GPR63: variants seen among roughly 807,000 people sequenced by gnomAD.
GPR63 encodes the protein probable G protein-coupled receptor 63.
In GPR63, 12 loss-of-function variants were observed where a neutral mutation model predicts 23.1. The ratio of observed to expected loss-of-function variants is 0.52; its 90% confidence interval spans 0.33 to 0.84. GPR63 has a LOEUF of 0.84. Ranked by LOEUF, GPR63 falls within the 40% of genes least tolerant of loss-of-function variation. The probability of loss-of-function intolerance (pLI) is 0.02; values close to 1 mark genes in which losing one functional copy is unlikely to be tolerated. For synonymous variants in GPR63, 172 were observed against 191.1 expected, an observed-to-expected ratio of 0.90 and a Z score of 0.82; for missense variants, 472 against 515.6, an observed-to-expected ratio of 0.92 and a Z score of 0.82.
At position 96,799,240 on chromosome 6, in the gene GPR63, A is replaced by C. The variant is rs1232165390; in HGVS notation, c.492T>G (p.Phe164Leu). Residue 164 changes from phenylalanine to leucine, a missense_variant, in exon 2 of 2, where the codon TTT becomes TTG. Phe to Leu is a conservative substitution (Grantham distance 22, BLOSUM62 0). Coordinates refer to ENST00000229955, the MANE Select transcript of GPR63 (RefSeq NM_030784.4). ...GCAGGATGGCTACTCCTTCTATCAC[A>C]AATAACCAGAAAAACATAGCAGATA... ...CRVSAMFFWL[F>L]VIEGVAILLI... 6.2e-7 allele frequency: 1 copy of C among 1,614,070 alleles called. No individual in the cohort carries two copies. Among genetic ancestry groups the C allele is most frequent in the Non-Finnish European group, 8.5e-7 (1 of 1,180,046 alleles).
rs370548140 is a variant in GPR63 at position 96,802,706 on chromosome 6, AT to A, written c.-150-2826del. Among the ~76,000 whole-genome samples, 1,154 of 144,722 alleles carry A rather than the reference AT, an allele frequency of 8.0e-3. 16 individuals carry two copies. The highest frequency in any genetic ancestry group is 0.027 in the East Asian group (132 of 4,950). 94.9% of individuals were successfully genotyped at this position (144,722 alleles called of 152,430 possible). The stretch of plus-strand genomic sequence containing the variant: ...AAGCACCTGCCACCATGCCCAGCTA[AT>A]TTTTTTTTTTTTTGTATTTTTAGTA... On this transcript the variant is annotated intron_variant, in intron 1 of 1. Transcript: ENST00000229955.
intron 1 of GPR63, among the ~76,000 whole-genome samples, chr6:96,801,779 A>G (rs374200593): frequency 1.3e-5 from 2 of 152,154 alleles, no homozygotes; most frequent in East Asian, 3.8e-4. Flanking sequence ...CTATCCTCAC[A>G]TATTCACTTT....
Position 96,799,540 on chromosome 6 carries a change from T to C in GPR63, c.192A>G (p.Thr64=). 6.2e-7 allele frequency: 1 copy of C among 1,614,158 alleles called. No homozygotes were observed. ...ATGCTGCTGGTGTTGTGGGCACAGC[T>C]GTACTATTCACGGTCAAGGAACTCA... ...TGLSSLTVNS[T]AVPTTPAAFK... is the part of the protein sequence containing the mutation. Residue 64 remains threonine (T), a synonymous_variant, in exon 2 of 2, where the codon ACA becomes ACG. Transcript: ENST00000229955.
rs1773643170 is a variant in GPR63, at chr6:96,798,238, G to A, written c.*234C>T. The A allele has an allele frequency of 1.1e-5, 5 of 438,716 alleles. No homozygotes were observed. The highest frequency in any genetic ancestry group is 4.0e-5 in the Admixed American group (1 of 25,020). The allele number at this position is 438,716 out of a possible 1,614,324, so 27.2% of individuals were successfully genotyped here. On this transcript the variant is annotated 3_prime_UTR_variant, in exon 2 of 2. Transcript: ENST00000229955. ...GGAAAAACCCCAAAACCAAAAAAAA[G>A]TCTCCTCACCCTAAATTGAGGATTT...
chr6:96,806,137 C>T (rs1760088815), intron 1 of GPR63, among the ~76,000 whole-genome samples: 1 of 152,196 alleles, frequency 6.6e-6, no homozygotes, highest in South Asian at 2.1e-4. Context: ...GAATGTTATG[C>T]TGTCTATTAC....
chr6:96,835,038 A>G (rs1190505360), intron 1 of GPR63, among the ~76,000 whole-genome samples: 7 of 152,228 alleles, frequency 4.6e-5, no homozygotes, highest in African/African-American at 1.4e-4. Context: ...GAATTTGCCT[A>G]TTGAAGCTTA....
chr6:96,804,952 A>G (rs1267677108), intron 1 of GPR63, among the ~76,000 whole-genome samples: 1 of 152,202 alleles, frequency 6.6e-6, no homozygotes, highest in Non-Finnish European at 1.5e-5. Flanking sequence ...TTAATAAATA[A>G]CTTACATATT....
At position 96,798,066 on chromosome 6, in the gene GPR63, A is replaced by G. The variant is rs1773637854; in HGVS notation, c.*406T>C. 6.2e-6 allele frequency: 1 copy of G among 161,242 alleles called. No homozygotes were observed. The highest frequency in any genetic ancestry group is 2.4e-5 in the African/African-American group (1 of 41,560). The allele number at this position is 161,242 out of a possible 1,614,324, so 10.0% of individuals were successfully genotyped here. A position where few individuals can be genotyped will look rare whatever the true frequency, so the allele number is the denominator to read the frequency against. On this transcript the variant is annotated 3_prime_UTR_variant, in exon 2 of 2. Transcript: ENST00000229955. ...GATGTTTGGCTCCAATGTGATGGTA[A>G]AAGCAGCAGTGTCTTCCAGAAAAAA...
intron 1 of GPR63, among the ~76,000 whole-genome samples, chr6:96,821,998 A>G (rs1774326006): frequency 6.6e-6 from 1 of 152,010 alleles, no homozygotes; most frequent in Non-Finnish European, 1.5e-5. Flanking sequence ...ACCATCAGAT[A>G]CCTCAAATAA....
At chr6:96,800,547 T>A (rs1445992231) in intron 1 of GPR63, among the ~76,000 whole-genome samples, 1 of 152,192 alleles carries the variant, frequency 6.6e-6, no homozygotes, top group African/African-American at 2.4e-5. Context: ...CATTTTTAAT[T>A]TCTTTCCAGA....
At chr6:96,830,628 A>G (rs926744693) in intron 1 of GPR63, among the ~76,000 whole-genome samples, 1 of 152,218 alleles carries the variant, frequency 6.6e-6, no homozygotes, top group Non-Finnish European at 1.5e-5. Flanking sequence ...CAGAAAGCAT[A>G]TTTGGGAGTA....
At chr6:96,813,190 C>T (rs1180921148) in intron 1 of GPR63, among the ~76,000 whole-genome samples, 1 of 152,092 alleles carries the variant, frequency 6.6e-6, no homozygotes, top group Admixed American at 6.6e-5. Context: ...TTTTTTATGG[C>T]TAAATAGAAC....
intron 1 of GPR63, among the ~76,000 whole-genome samples, chr6:96,805,027 C>A (rs766668799): frequency 7.9e-5 from 12 of 151,874 alleles, no homozygotes; most frequent in Non-Finnish European, 1.5e-4. Flanking sequence ...AGTTTTTGTT[C>A]AAGTCCTTTG....
intron 1 of GPR63, among the ~76,000 whole-genome samples, chr6:96,811,123 C>A (rs1017864603): frequency 6.6e-6 from 1 of 152,162 alleles, no homozygotes; most frequent in Non-Finnish European, 1.5e-5. Context: ...TCCCACCAGC[C>A]CCGGTCTCAG....
chr6:96,830,175 G>C (rs1774544245), intron 1 of GPR63, among the ~76,000 whole-genome samples: 1 of 152,138 alleles, frequency 6.6e-6, no homozygotes. Flanking sequence ...AATTCTAGGT[G>C]TATTTCTTAA....
At position 96,811,288 on chromosome 6, in the gene GPR63, G is replaced by A. The variant is rs578165446; in HGVS notation, c.-150-11407C>T. On this transcript the variant is annotated intron_variant, in intron 1 of 1. Coordinates refer to ENST00000229955, the MANE Select transcript of GPR63 (RefSeq NM_030784.4). Reference sequence around the variant, plus strand: ...TCCCCTAACGGATAAACAGAAACTGGCTGCTGGGAATAACCCACGCGTTCC... The same window carrying A: ...TCCCCTAACGGATAAACAGAAACTGACTGCTGGGAATAACCCACGCGTTCC... 7.2e-5 allele frequency among the ~76,000 whole-genome samples: 11 copies of A among 152,296 alleles called. No individual in the cohort carries two copies. In the South Asian group the frequency reaches 8.3e-4, roughly 11 times the overall value.
At chr6:96,808,135 C>T (rs895707495) in intron 1 of GPR63, among the ~76,000 whole-genome samples, 2 of 152,010 alleles carry the variant, frequency 1.3e-5, no homozygotes, top group African/African-American at 2.4e-5. Context: ...AAAGCAATTA[C>T]AATAAATTTA....
At chr6:96,801,940 A>T (rs1773776961) in intron 1 of GPR63, among the ~76,000 whole-genome samples, 1 of 152,202 alleles carries the variant, frequency 6.6e-6, no homozygotes, top group Admixed American at 6.5e-5. Flanking sequence ...TACCCTAAAT[A>T]TACATATAAT....
At chr6:96,812,794 G>A (rs1203861975) in intron 1 of GPR63, among the ~76,000 whole-genome samples, 1 of 151,930 alleles carries the variant, frequency 6.6e-6, no homozygotes, top group South Asian at 2.1e-4. Context: ...TAATCAAGTC[G>A]GGGTATCTGG....
Sources: allele counts gnomAD v4.1 joint callset (sites outside exome capture counted in the v4.1 genomes callset), GRCh38; gene constraint gnomAD v4.1.1; transcripts MANE v1.5; gene names NCBI Gene and HGNC (gene_info 2026-07-23, HGNC 2026-07-21).